The following SNX29 variants were observed in gnomAD, a reference collection of about 807,000 sequenced individuals.
The protein encoded by SNX29 is sorting nexin 29.
In SNX29, 78 loss-of-function variants were observed where a neutral mutation model predicts 102.1. That is an observed-to-expected ratio of 0.76 (90% confidence interval 0.64 to 0.92). The LOEUF (loss-of-function observed/expected upper bound fraction) is 0.92, where lower values mean the gene tolerates loss of function less well. Among genes scored for constraint, SNX29 ranks in the 40% least tolerant of loss-of-function variants. The pLI, the probability that SNX29 is intolerant of heterozygous loss-of-function variation, is 0.00. For synonymous variants in SNX29, 580 were observed against 414.5 expected (o/e 1.40, Z -4.85); for missense variants, 1,280 against 1,061.7 (o/e 1.21, Z -2.86).
At chr16:12,495,361 A>T (rs2088770183) in intron 19 of SNX29, among the ~76,000 whole-genome samples, 1 of 151,900 alleles carries the variant, frequency 6.6e-6, no homozygotes, top group Non-Finnish European at 1.5e-5. Context: ...CATGTTGTCC[A>T]GGTCTCGAAC....
intron 14 of SNX29, among the ~76,000 whole-genome samples, chr16:12,274,351 G>A (rs560898318): frequency 6.6e-6 from 1 of 152,160 alleles, no homozygotes; most frequent in East Asian, 1.9e-4. Flanking sequence ...TCTGTCCCCT[G>A]TGTTCTCAAG....
At chr16:12,449,106 C>T (rs1465581294) in intron 18 of SNX29, among the ~76,000 whole-genome samples, 3 of 151,992 alleles carry the variant, frequency 2.0e-5, no homozygotes, top group African/African-American at 7.2e-5. Context: ...AGCTCCTTAC[C>T]CTCAGGTGGT....
At chr16:11,985,949 C>T (rs1175340463) in intron 1 of SNX29, among the ~76,000 whole-genome samples, 5 of 151,502 alleles carry the variant, frequency 3.3e-5, no homozygotes, top group Non-Finnish European at 5.9e-5. Flanking sequence ...TCTCCCGCCT[C>T]GAGCGCCACC....
chr16:12,050,487 G>A (rs2050255908), intron 7 of SNX29, among the ~76,000 whole-genome samples: 1 of 151,986 alleles, frequency 6.6e-6, no homozygotes, highest in Admixed American at 6.6e-5. Flanking sequence ...GGGCTCTTTC[G>A]GCTCACTCAT....
chr16:12,333,750 T>C (rs1047289556), intron 15 of SNX29, among the ~76,000 whole-genome samples: 3 of 152,150 alleles, frequency 2.0e-5, no homozygotes, highest in Non-Finnish European at 2.9e-5. Flanking sequence ...CCATTATCTG[T>C]ATCTCTCACA....
chr16:12,313,019 C>T (rs1051049336), intron 15 of SNX29, among the ~76,000 whole-genome samples: 1 of 119,924 alleles, frequency 8.3e-6, no homozygotes, highest in Admixed American at 7.9e-5. Flanking sequence ...TTTTTGTTTT[C>T]TGTTTTTTTT....
At chr16:12,551,710 C>T (rs537862618) in intron 20 of SNX29, among the ~76,000 whole-genome samples, 2 of 152,278 alleles carry the variant, frequency 1.3e-5, no homozygotes, top group African/African-American at 4.8e-5. Flanking sequence ...GGTGGTGAGC[C>T]AACTTGTGAA....
In SNX29 at chr16:12,573,155, T is replaced by TGG. The variant is rs918801180; in HGVS notation, c.*4527_*4528dup. ...TTTCCAAAATAAAGCTTCAGCTCCTTGGTCAATAGAAGTAAGGGTGTAGCC... is the reference window on the plus strand; with the variant it reads ...TTTCCAAAATAAAGCTTCAGCTCCTTGGGGTCAATAGAAGTAAGGGTGTAGCC... On this transcript the variant is annotated 3_prime_UTR_variant, in exon 21 of 21. Coordinates refer to ENST00000566228, the MANE Select transcript of SNX29 (RefSeq NM_032167.5). 1.3e-5 allele frequency: 3 copies of TGG among 226,418 alleles called. No individual in the cohort carries two copies. Among genetic ancestry groups the TGG allele is most frequent in the African/African-American group, 6.6e-5 (3 of 45,120 alleles). 14.0% of individuals were successfully genotyped at this position (226,418 alleles called of 1,614,324 possible).
At chr16:12,520,691 T>C (rs1426464866) in intron 19 of SNX29, among the ~76,000 whole-genome samples, 2 of 152,128 alleles carry the variant, frequency 1.3e-5, no homozygotes, top group African/African-American at 2.4e-5. Context: ...GTGAAGTAAC[T>C]CAGGAATGGA....
chr16:12,149,700 A>G (rs753819351), intron 13 of SNX29, among the ~76,000 whole-genome samples: 4 of 152,200 alleles, frequency 2.6e-5, no homozygotes, highest in Non-Finnish European at 5.9e-5. Context: ...AACCTACCTC[A>G]TGGGTATTGG....
intron 13 of SNX29, among the ~76,000 whole-genome samples, chr16:12,133,925 C>T (rs2054564961): frequency 6.6e-6 from 1 of 152,154 alleles, no homozygotes; most frequent in Admixed American, 6.6e-5. Context: ...CTGAGCAAAC[C>T]CAGCATTTGA....
chr16:12,191,480 T>C (rs1056689047), intron 13 of SNX29, among the ~76,000 whole-genome samples: 6 of 152,142 alleles, frequency 3.9e-5, no homozygotes, highest in Non-Finnish European at 7.3e-5. Context: ...ACCTTTCCCC[T>C]TCTCTCCTCC....
rs1037787085 is a variant in SNX29 at position 12,552,468 on chromosome 16, C to T, written c.2319-16038C>T. On this transcript the variant is annotated intron_variant, in intron 20 of 20. Transcript: ENST00000566228. ...GTGAAATACCTCGGGTCCATCTCAT[C>T]ACCCAACGATTGGGCCTCAGGAATC... 1.7e-4 allele frequency among the ~76,000 whole-genome samples: 26 copies of T among 152,214 alleles called. No individual in the cohort carries two copies. In the East Asian group the frequency reaches 1.7e-3, roughly 10 times the overall value.
intron 9 of SNX29, among the ~76,000 whole-genome samples, chr16:12,063,097 G>C (rs1053148122): frequency 6.6e-6 from 1 of 152,162 alleles, no homozygotes; most frequent in African/African-American, 2.4e-5. Context: ...ATCTGCTCTT[G>C]AGCACAGTCC....
intron 20 of SNX29, chr16:12,546,773 G>A (rs905010247): frequency 3.8e-5 from 4 of 104,310 alleles, no homozygotes; most frequent in African/African-American, 1.9e-4. Flanking sequence ...TACCTTCCAT[G>A]CAACAAAGGA....
intron 20 of SNX29, among the ~76,000 whole-genome samples, chr16:12,549,972 C>A (rs180987044): frequency 6.6e-6 from 1 of 152,224 alleles, no homozygotes; most frequent in African/African-American, 2.4e-5. Context: ...CATGCCCAGT[C>A]ATTCACACTT....
intron 20 of SNX29, among the ~76,000 whole-genome samples, chr16:12,543,638 G>C (rs1037133494): frequency 6.6e-6 from 1 of 151,926 alleles, no homozygotes; most frequent in Admixed American, 6.5e-5. Context: ...TCCGCAGCTG[G>C]TGCCGTCTGT....
intron 19 of SNX29, among the ~76,000 whole-genome samples, chr16:12,504,010 C>T (rs914050163): frequency 6.6e-6 from 1 of 152,112 alleles, no homozygotes; most frequent in African/African-American, 2.4e-5. Flanking sequence ...ATTTCATCAC[C>T]ACCAGAAGAA....
chr16:12,322,877 GGAGTCACT>G (rs1567437261), intron 15 of SNX29, among the ~76,000 whole-genome samples: 1 of 28,952 alleles, frequency 3.5e-5, no homozygotes, highest in Non-Finnish European at 8.5e-5. Flanking sequence ...TGCGGTCACT[GGAGTCACT>G]GGGGACCACT....
Sources: allele counts gnomAD v4.1 joint callset (sites outside exome capture counted in the v4.1 genomes callset), GRCh38; gene constraint gnomAD v4.1.1; transcripts MANE v1.5; gene names NCBI Gene and HGNC (gene_info 2026-07-23, HGNC 2026-07-21).